Variants in IL18RAP observed in about 807,000 individuals in gnomAD.
The protein encoded by IL18RAP is interleukin 18 receptor accessory protein.
IL18RAP carries 37 observed loss-of-function variants against 58.1 expected under a neutral mutation model. The observed-to-expected ratio is 0.64, with a 90% CI of 0.49 to 0.84. The LOEUF is 0.84. Among genes scored for constraint, IL18RAP ranks in the 40% least tolerant of loss-of-function variants. IL18RAP has a pLI of 0.00. For synonymous variants in IL18RAP, 268 were observed against 257.5 expected (o/e 1.04, Z -0.39); for missense variants, 667 against 704.8 (o/e 0.95, Z 0.61).
upstream of IL18RAP, among the ~76,000 whole-genome samples, chr2:102,420,583 A>C (rs2104278179): frequency 6.6e-6 from 1 of 152,270 alleles, no homozygotes; most frequent in East Asian, 1.9e-4. Flanking sequence ...GTGGTAACTA[A>C]TTTGCTATAG....
chr2:102,432,346 T>C (rs1009816485), intron 3 of IL18RAP: 1 of 154,236 alleles, frequency 6.5e-6, no homozygotes, highest in African/African-American at 2.4e-5. Flanking sequence ...CCTGCAACTT[T>C]GCCTGATCAG....
chr2:102,429,045 A>G (rs1682160769), intron 3 of IL18RAP, among the ~76,000 whole-genome samples: 2 of 151,970 alleles, frequency 1.3e-5, no homozygotes, highest in Non-Finnish European at 2.9e-5. Context: ...TCCCAGGGAT[A>G]AATCCCACTT....
Position 102,424,383 on chromosome 2 carries a change from A to T in IL18RAP, c.548A>T (p.Asp183Val), listed in dbSNP as rs1221758622. 9 of 1,613,942 alleles carry T rather than the reference A, an allele frequency of 5.6e-6. No individual in the cohort carries two copies. Among genetic ancestry groups the T allele is most frequent in the Non-Finnish European group, 7.6e-6 (9 of 1,179,934 alleles). The change falls in exon 3 of 10, where the codon GAT (aspartate) becomes GTT (valine). Residue 183 changes from aspartate (D) to valine (V), a missense_variant. Asp to Val is a radical substitution (Grantham distance 152). Transcript: ENST00000687160. ...TGCCCCAGTCTCAGCTGCCAAAGTG[A>T]TGCACAAAGTCCAGCGGTAACCTGG... Reference protein sequence around the residue: ...ISCPSLSCQSDAQSPAVTWYK... With the variant: ...ISCPSLSCQSVAQSPAVTWYK...
At position 102,424,251 on chromosome 2, in the gene IL18RAP, G is replaced by C; in HGVS notation, c.416G>C (p.Cys139Ser). 1 of 1,614,080 alleles carries C rather than the reference G, an allele frequency of 6.2e-7. No homozygotes were observed. Among genetic ancestry groups the C allele is most frequent in the Non-Finnish European group, 8.5e-7 (1 of 1,179,972 alleles). The change falls in exon 3 of 10, where the codon TGT becomes TCT. Residue 139 changes from cysteine (C) to serine (S), a missense_variant. Transcript: ENST00000687160. ...CCTAGGAGCCCCTATGATGTAGCCT[G>C]TTGTGTCAAGATGATTTTAGAAGTT... ...KMIKSPYDVA[C>S]CVKMILEVKP...
chr2:102,432,280 C>T (rs1573275867), intron 3 of IL18RAP: 1 of 153,400 alleles, frequency 6.5e-6, no homozygotes, highest in East Asian at 2.0e-4. Context: ...GAGTCGCTGG[C>T]TGAGCTCTGT....
chr2:102,441,705 T>C (rs867087362), intron 5 of IL18RAP, among the ~76,000 whole-genome samples: 4 of 151,978 alleles, frequency 2.6e-5, no homozygotes, highest in Non-Finnish European at 5.9e-5. Flanking sequence ...CTGGCCAACA[T>C]GGTGAAACCC....
rs751056931 is a variant in IL18RAP at position 102,436,819 on chromosome 2, G to GTATATA, written c.580-385_580-380dup. 1.9e-3 allele frequency among the ~76,000 whole-genome samples: 282 copies of GTATATA among 149,904 alleles called. 1 individual carries two copies. Among genetic ancestry groups the GTATATA allele is most frequent in the African/African-American group, 5.1e-3 (208 of 40,750 alleles). Reference sequence around the variant, plus strand: ...TATGTATATATATGTGTGTGTGTGTGTATATATATATATGTATGTATACAC... The same window carrying GTATATA: ...TATGTATATATATGTGTGTGTGTGTGTATATATATATATATATATGTATGTATACAC... On this transcript the variant is annotated intron_variant, in intron 3 of 9. Coordinates refer to ENST00000687160, the MANE Select transcript of IL18RAP (RefSeq NM_001393487.1).
At chr2:102,450,794 C>T in intron 8 of IL18RAP, 54 bp from the exon 9 acceptor site, 1 of 1,168,198 alleles carries the variant, frequency 8.6e-7, no homozygotes, top group South Asian at 1.6e-5. Context: ...TGTACCATAA[C>T]AGTAAAAAAA....
chr2:102,438,363 C>G (rs1266431217), intron 4 of IL18RAP, among the ~76,000 whole-genome samples: 1 of 152,208 alleles, frequency 6.6e-6, no homozygotes, highest in Admixed American at 6.5e-5. Context: ...AAGATACAAA[C>G]CACACAGAGC....
At chr2:102,427,968 T>C (rs890550039) in intron 3 of IL18RAP, among the ~76,000 whole-genome samples, 2 of 145,630 alleles carry the variant, frequency 1.4e-5, no homozygotes, top group Middle Eastern at 3.3e-3. Flanking sequence ...CCCCATTGTG[T>C]GTTCTTGGCA....
upstream of IL18RAP, chr2:102,423,137 A>T: frequency 1.2e-6 from 1 of 838,544 alleles, no homozygotes; most frequent in Non-Finnish European, 2.0e-6. Context: ...CACTTTGTTC[A>T]CTGGTTCTGA....
chr2:102,423,696 AG>A (rs1681729054), intron 1 of IL18RAP, 114 bp from the exon 2 acceptor site: 2 of 784,346 alleles, frequency 2.5e-6, no homozygotes, highest in Non-Finnish European at 4.1e-6. Context: ...ACAGTGAAGA[AG>A]AAAGACACAC....
intron 8 of IL18RAP, among the ~76,000 whole-genome samples, chr2:102,448,321 G>A (rs758918212): frequency 1.4e-4 from 21 of 152,194 alleles, no homozygotes; most frequent in Non-Finnish European, 2.8e-4. Flanking sequence ...TTAAGACGGT[G>A]GGAATGCCCC....
Position 102,452,303 on chromosome 2 carries a change from C to A in IL18RAP, c.*122C>A. ...AATTCAAAGAGTCTCCTGCCAGCAC[C>A]AAGCAAGCTTGATGGACAATGGAGT... On this transcript the variant is annotated 3_prime_UTR_variant, in exon 10 of 10. Coordinates refer to ENST00000687160, the MANE Select transcript of IL18RAP (RefSeq NM_001393487.1). 3.1e-6 allele frequency: 3 copies of A among 954,826 alleles called. No homozygotes were observed. The highest frequency in any genetic ancestry group is 1.6e-5 in the African/African-American group (1 of 60,780). 59.1% of individuals were successfully genotyped at this position (954,826 alleles called of 1,614,324 possible). A position where few individuals can be genotyped will look rare whatever the true frequency, so the allele number is the denominator to read the frequency against.
At chr2:102,426,021 G>A (rs986434478) in intron 3 of IL18RAP, among the ~76,000 whole-genome samples, 4 of 152,128 alleles carry the variant, frequency 2.6e-5, no homozygotes, top group African/African-American at 9.7e-5. Flanking sequence ...GATTTGGACA[G>A]GTCCTGGTTT....
chr2:102,447,718 G>GTATT (rs1183022892), intron 8 of IL18RAP, among the ~76,000 whole-genome samples: 14 of 145,564 alleles, frequency 9.6e-5, no homozygotes, highest in African/African-American at 3.7e-4. Flanking sequence ...ATGTATGTAT[G>GTATT]TATGTATGTA....
chr2:102,427,652 C>A (rs1451889769), intron 3 of IL18RAP, among the ~76,000 whole-genome samples: 2 of 151,936 alleles, frequency 1.3e-5, no homozygotes, highest in African/African-American at 4.8e-5. Context: ...TAAATATTTT[C>A]CCCATTTGGT....
At chr2:102,448,098 T>C (rs2104383661) in intron 8 of IL18RAP, among the ~76,000 whole-genome samples, 1 of 152,314 alleles carries the variant, frequency 6.6e-6, no homozygotes, top group Non-Finnish European at 1.5e-5. Flanking sequence ...AGACTATGGC[T>C]GTTTCTTGAG....
In IL18RAP at chr2:102,423,365, T is replaced by C; in HGVS notation, c.70+18T>C. 2 of 1,602,506 alleles carry C rather than the reference T, an allele frequency of 1.2e-6. No homozygotes were observed. The highest frequency in any genetic ancestry group is 1.7e-6 in the Non-Finnish European group (2 of 1,169,404). On this transcript the variant is annotated intron_variant, in intron 1 of 9. Transcript: ENST00000687160. ...TATTTCAGGTAGGGGTTTTCACTTT[T>C]CATGTTAGCACTGTGAGTCTGTGGT... is the stretch of plus-strand genomic sequence containing the variant.
Sources: allele counts gnomAD v4.1 joint callset (sites outside exome capture counted in the v4.1 genomes callset), GRCh38; gene constraint gnomAD v4.1.1; transcripts MANE v1.5; gene names NCBI Gene and HGNC (gene_info 2026-07-23, HGNC 2026-07-21).